The following ST18 variants were observed in gnomAD, a reference collection of about 807,000 sequenced individuals.
ST18 encodes the protein ST18 C2H2C-type zinc finger transcription factor, also known as suppression of tumorigenicity 18 protein.
ST18 carries 50 observed loss-of-function variants against 110.0 expected under a neutral mutation model. That is an observed-to-expected ratio of 0.45 (90% confidence interval 0.36 to 0.58). The LOEUF (loss-of-function observed/expected upper bound fraction) is 0.58. Among genes scored for constraint, ST18 ranks in the 20% least tolerant of loss-of-function variants. The pLI is 0.00. For missense variants in ST18, 1,306 were observed against 1,280.1 expected, an observed-to-expected ratio of 1.02 and a Z score of -0.31; for synonymous variants, 461 against 452.4, an observed-to-expected ratio of 1.02 and a Z score of -0.24.
At chr8:52,186,177 A>T (rs2134491579) in intron 8 of ST18, among the ~76,000 whole-genome samples, 1 of 152,348 alleles carries the variant, frequency 6.6e-6, no homozygotes, top group Admixed American at 6.5e-5. Flanking sequence ...CAGTACCTAC[A>T]TCAAAAAATA....
At chr8:52,384,285 C>T (rs1835705090) in intron 2 of ST18, among the ~76,000 whole-genome samples, 1 of 152,200 alleles carries the variant, frequency 6.6e-6, no homozygotes, top group Admixed American at 6.5e-5. Context: ...TAAGTGCCTG[C>T]TGGATGTTGC....
chr8:52,381,322 C>G (rs1049161745), intron 2 of ST18, among the ~76,000 whole-genome samples: 5 of 152,138 alleles, frequency 3.3e-5, no homozygotes, highest in Non-Finnish European at 5.9e-5. Context: ...CATTCCCCAA[C>G]AAAGACAGTC....
chr8:52,224,735 A>T (rs1197336164), intron 3 of ST18, among the ~76,000 whole-genome samples: 1 of 152,260 alleles, frequency 6.6e-6, no homozygotes, highest in African/African-American at 2.4e-5. Context: ...ATTAGCAAAC[A>T]GACTACTTTT....
Position 52,137,403 on chromosome 8 carries a change from CAT to C in ST18, c.2231+16_2231+17del. Reference sequence around the variant, plus strand: ...ACAAGACCATGAAAATCTGACTGCACATGAGGTCATTGGGTACCTGCGATGAG... The same window carrying C: ...ACAAGACCATGAAAATCTGACTGCACGAGGTCATTGGGTACCTGCGATGAG... On this transcript the variant is annotated intron_variant, in intron 18 of 25. Coordinates refer to ENST00000689386, the MANE Select transcript of ST18 (RefSeq NM_001352837.2). 1 of 1,613,878 alleles carries C rather than the reference CAT, an allele frequency of 6.2e-7. No individual in the cohort carries two copies.
At chr8:52,404,929 CTATT>C (rs1218867551) in intron 2 of ST18, 2 of 152,192 alleles carry the variant, frequency 1.3e-5, no homozygotes, top group Non-Finnish European at 2.9e-5. Flanking sequence ...GACCCACTTA[CTATT>C]TAACCAGTCG....
In ST18 at chr8:52,166,711, C is replaced by A. The variant is rs990303285; in HGVS notation, c.1204+141G>T. 29 of 1,169,808 alleles carry A rather than the reference C, an allele frequency of 2.5e-5. No individual in the cohort carries two copies. In the African/African-American group the frequency reaches 3.4e-4, roughly 14 times the overall value. The allele number at this position is 1,169,808 out of a possible 1,614,324, so 72.5% of individuals were successfully genotyped here. A position where few individuals can be genotyped will look rare whatever the true frequency, so the allele number is the denominator to read the frequency against. Reference sequence around the variant, plus strand: ...TCTATAAATACACTATATTTTAAAACCCACAGCTAGATGGAATTGGCTTGA... The same window carrying A: ...TCTATAAATACACTATATTTTAAAAACCACAGCTAGATGGAATTGGCTTGA... On this transcript the variant is annotated intron_variant, in intron 11 of 25. Coordinates refer to ENST00000689386, the MANE Select transcript of ST18 (RefSeq NM_001352837.2).
intron 10 of ST18, among the ~76,000 whole-genome samples, chr8:52,168,626 G>A (rs1376388231): frequency 6.6e-6 from 1 of 152,124 alleles, no homozygotes; most frequent in Non-Finnish European, 1.5e-5. Flanking sequence ...AGTCTTAAAT[G>A]AGCAACGAAC....
intron 2 of ST18, among the ~76,000 whole-genome samples, chr8:52,311,478 C>T (rs963017194): frequency 6.6e-6 from 1 of 152,158 alleles, no homozygotes; most frequent in Non-Finnish European, 1.5e-5. Flanking sequence ...TTCTAATGAT[C>T]CCATTTCTAA....
At chr8:52,215,073 T>C (rs966024120) in intron 6 of ST18, among the ~76,000 whole-genome samples, 4 of 152,198 alleles carry the variant, frequency 2.6e-5, no homozygotes, top group Non-Finnish European at 5.9e-5. Context: ...TATAAATAAG[T>C]TGCTTTGCTT....
rs192187168 is a variant in ST18, at chr8:52,325,213, G to T, written c.-465+84115C>A. Among the ~76,000 whole-genome samples, 495 of 152,238 alleles carry T rather than the reference G, an allele frequency of 3.3e-3. 2 individuals are homozygous for T. The highest frequency in any genetic ancestry group is 0.011 in the African/African-American group (469 of 41,544). On this transcript the variant is annotated intron_variant, in intron 2 of 25. Transcript: ENST00000689386. ...TGAGGGAGTGAATATACTGTAGAGA[G>T]GGGGGAAAAGAAAAACATGAAAAGG... is the stretch of plus-strand genomic sequence containing the variant.
chr8:52,192,368 A>C (rs991288978), intron 8 of ST18, among the ~76,000 whole-genome samples: 1 of 152,162 alleles, frequency 6.6e-6, no homozygotes, highest in African/African-American at 2.4e-5. Context: ...GACCATATCT[A>C]CCTGAGGTCA....
At position 52,183,796 on chromosome 8, in the gene ST18, G is replaced by A. The variant is rs138793183; in HGVS notation, c.87-3484C>T. On this transcript the variant is annotated intron_variant, in intron 8 of 25. Coordinates refer to ENST00000689386, the MANE Select transcript of ST18 (RefSeq NM_001352837.2). ...CGCTACAGAGATTTACGCAATGCAT[G>A]TATGTCCATAAAGGCATTCTACTTT... Among the ~76,000 whole-genome samples, 289 of 152,262 alleles carry A rather than the reference G, an allele frequency of 1.9e-3. 1 individual carries two copies. Among genetic ancestry groups the A allele is most frequent in the Middle Eastern group, 6.8e-3 (2 of 294 alleles).
rs888572301 is a variant in ST18, at chr8:52,216,547, T to A, written c.-1+1199A>T. On this transcript the variant is annotated intron_variant, in intron 6 of 25. Transcript: ENST00000689386. ...TCACTTGCTTTCTCTTCTTTACACATAGAAAACAAAAGTTACTACATTGTG... is the reference window on the plus strand; with the variant it reads ...TCACTTGCTTTCTCTTCTTTACACAAAGAAAACAAAAGTTACTACATTGTG... Among the ~76,000 whole-genome samples the A allele has an allele frequency of 2.0e-4, 31 of 152,160 alleles. 1 individual carries two copies. The highest frequency in any genetic ancestry group is 1.8e-3 in the Admixed American group (28 of 15,272).
At chr8:52,401,429 T>G (rs965034792) in intron 2 of ST18, among the ~76,000 whole-genome samples, 6 of 152,178 alleles carry the variant, frequency 3.9e-5, no homozygotes, top group African/African-American at 1.2e-4. Flanking sequence ...GCCTTTCCCC[T>G]TCTTCTCCCT....
rs2055793276 is a variant in ST18 at position 52,142,975 on chromosome 8, G to C, written c.2123C>G (p.Pro708Arg). 6.2e-7 allele frequency: 1 copy of C among 1,614,118 alleles called. No homozygotes were observed. The highest frequency in any genetic ancestry group is 2.2e-5 in the East Asian group (1 of 44,880). ...KFPGEASIPS[P>R]KPKLHARDLK... is the part of the protein sequence containing the mutation. The stretch of plus-strand genomic sequence containing the variant: ...ATCTCTTGCATGAAGCTTGGGTTTA[G>C]GGCTTGGTATAGAGGCCTCTCCAGG... Residue 708 changes from proline (P) to arginine (R), a missense_variant, in exon 17 of 26, where the codon CCT becomes CGT. Physicochemically the swap from Pro to Arg is moderately radical, Grantham distance 103 (BLOSUM62 -2). Transcript: ENST00000689386.
rs138804920 is a variant in ST18, at chr8:52,158,137, A to G, written c.1806+761T>C. On this transcript the variant is annotated intron_variant, in intron 15 of 25. Coordinates refer to ENST00000689386, the MANE Select transcript of ST18 (RefSeq NM_001352837.2). Reference sequence around the variant, plus strand: ...GGATCGCTGTGACTGTGGCATCAGAAGCCCTTTGCTGTCAAAGGGCATGAA... The same window carrying G: ...GGATCGCTGTGACTGTGGCATCAGAGGCCCTTTGCTGTCAAAGGGCATGAA... Among the ~76,000 whole-genome samples the G allele has an allele frequency of 7.0e-4, 106 of 152,338 alleles. 2 individuals are homozygous for G. Among genetic ancestry groups the G allele is most frequent in the African/African-American group, 2.5e-3 (104 of 41,576 alleles).
chr8:52,317,397 C>T (rs1161801288), intron 2 of ST18, among the ~76,000 whole-genome samples: 1 of 152,088 alleles, frequency 6.6e-6, no homozygotes, highest in African/African-American at 2.4e-5. Context: ...CTGGAACCAC[C>T]AGAAGCTGGA....
At chr8:52,197,445 C>G (rs756148737) in intron 8 of ST18, among the ~76,000 whole-genome samples, 20 of 152,160 alleles carry the variant, frequency 1.3e-4, no homozygotes, top group Non-Finnish European at 2.5e-4. Context: ...TAGCTGATGA[C>G]AGGGTTTGGA....
chr8:52,333,101 C>A (rs1207406641), intron 2 of ST18, among the ~76,000 whole-genome samples: 1 of 152,052 alleles, frequency 6.6e-6, no homozygotes, highest in Non-Finnish European at 1.5e-5. Flanking sequence ...TGATGTCCAC[C>A]TTCTTGGGCC....
Sources: allele counts gnomAD v4.1 joint callset (sites outside exome capture counted in the v4.1 genomes callset), GRCh38; gene constraint gnomAD v4.1.1; transcripts MANE v1.5; gene names NCBI Gene and HGNC (gene_info 2026-07-23, HGNC 2026-07-21).